Variants in SLC10A1 observed in about 807,000 individuals in gnomAD.
SLC10A1 encodes the protein solute carrier family 10 member 1.
In SLC10A1, 36 loss-of-function variants were observed where a neutral mutation model predicts 20.5. The ratio of observed to expected loss-of-function variants is 1.75; its 90% CI spans 1.34 to 2.32. SLC10A1 has a LOEUF of 2.32. SLC10A1 is among the 30% of genes most tolerant of loss of function. The probability of loss-of-function intolerance (pLI) is 0.00; values close to 1 mark genes in which losing one functional copy is unlikely to be tolerated. For missense variants in SLC10A1, 545 were observed against 439.1 expected (o/e 1.24, Z -2.16); for synonymous variants, 188 against 163.6 (o/e 1.15, Z -1.14).
intron 2 of SLC10A1, among the ~76,000 whole-genome samples, chr14:69,783,058 A>G (rs1566636180): frequency 6.6e-6 from 1 of 152,172 alleles, no homozygotes; most frequent in African/African-American, 2.4e-5. Flanking sequence ...AAGATCGTTT[A>G]TGGGTGTATA....
At chr14:69,789,690 G>T (rs58582364) in intron 1 of SLC10A1, among the ~76,000 whole-genome samples, 11,345 of 152,198 alleles carry the variant, frequency 0.075, 598 homozygotes, top group East Asian at 0.16. Flanking sequence ...TTTATGGTAT[G>T]TGAATTATAT....
chr14:69,782,109 CAT>C (rs1883605760), intron 2 of SLC10A1, among the ~76,000 whole-genome samples: 1 of 152,334 alleles, frequency 6.6e-6, no homozygotes, highest in South Asian at 2.1e-4. Flanking sequence ...GCTTGACCCA[CAT>C]GTTAGTCTCT....
chr14:69,780,271 T>TC (rs1429109985), intron 2 of SLC10A1, among the ~76,000 whole-genome samples: 1 of 152,234 alleles, frequency 6.6e-6, no homozygotes, highest in Non-Finnish European at 1.5e-5. Flanking sequence ...GCATGTGCAC[T>TC]CCATGCACTT....
At chr14:69,779,614 C>T (rs1033593398) in intron 2 of SLC10A1, among the ~76,000 whole-genome samples, 2 of 152,226 alleles carry the variant, frequency 1.3e-5, no homozygotes, top group Admixed American at 6.5e-5. Context: ...GTCCTCCTGC[C>T]TTGGCCTTCC....
intron 1 of SLC10A1, among the ~76,000 whole-genome samples, chr14:69,793,935 G>A (rs1183536666): frequency 6.6e-6 from 1 of 152,190 alleles, no homozygotes; most frequent in African/African-American, 2.4e-5. Context: ...GCCGTCCCTG[G>A]CTGCATTGAG....
intron 1 of SLC10A1, among the ~76,000 whole-genome samples, chr14:69,790,759 A>C (rs1883816540): frequency 6.6e-6 from 1 of 152,098 alleles, no homozygotes; most frequent in Non-Finnish European, 1.5e-5. Context: ...CTGTTTTATA[A>C]ATTATACTAT....
chr14:69,789,853 AGAAAAG>A (rs1483801316), intron 1 of SLC10A1, among the ~76,000 whole-genome samples: 1 of 152,094 alleles, frequency 6.6e-6, no homozygotes, highest in Non-Finnish European at 1.5e-5. Context: ...CCCAATAAAA[AGAAAAG>A]GAAGAAATTT....
chr14:69,782,878 C>G (rs980324373), intron 2 of SLC10A1, among the ~76,000 whole-genome samples: 4 of 151,360 alleles, frequency 2.6e-5, no homozygotes, highest in African/African-American at 9.7e-5. Flanking sequence ...TAAAGCTACT[C>G]TGAGGTAGAA....
At chr14:69,796,573 G>A (rs74061441) in intron 1 of SLC10A1, among the ~76,000 whole-genome samples, 2 of 152,278 alleles carry the variant, frequency 1.3e-5, no homozygotes, top group African/African-American at 4.8e-5. Context: ...CGAGCTTCCT[G>A]GACCAGTATG....
At chr14:69,777,799 C>T (rs1414210213) in intron 4 of SLC10A1, among the ~76,000 whole-genome samples, 1 of 150,818 alleles carries the variant, frequency 6.6e-6, no homozygotes. Flanking sequence ...CAACCGTATG[C>T]TTAAGTTTCC....
chr14:69,792,160 G>A (rs1358782994), intron 1 of SLC10A1, among the ~76,000 whole-genome samples: 1 of 151,770 alleles, frequency 6.6e-6, no homozygotes, highest in Non-Finnish European at 1.5e-5. Flanking sequence ...TTGCCATGTT[G>A]GACAGGCTTG....
At position 69,797,021 on chromosome 14, in the gene SLC10A1, G is replaced by A. The variant is rs139792565; in HGVS notation, c.135C>T (p.Thr45=). The part of the protein sequence containing the change: ...LFFIMLSLGC[T]MEFSKIKAHL... ...GAGCCTTGATCTTGCTGAACTCCAT[G>A]GTGCAGCCCAGCGAGAGCATGATGA... Residue 45 remains threonine (T), a synonymous_variant, in exon 1 of 5, where the codon ACC becomes ACT. Transcript: ENST00000216540. 1.9e-4 allele frequency: 314 copies of A among 1,614,070 alleles called. No individual in the cohort carries two copies. The highest frequency in any genetic ancestry group is 2.5e-4 in the Non-Finnish European group (299 of 1,180,034).
At chr14:69,787,289 C>T (rs1434515865) in intron 1 of SLC10A1, among the ~76,000 whole-genome samples, 1 of 152,178 alleles carries the variant, frequency 6.6e-6, no homozygotes, top group Non-Finnish European at 1.5e-5. Context: ...ATATGTTAGT[C>T]CCAGGACCCT....
chr14:69,779,871 C>G (rs1024334125), intron 2 of SLC10A1, among the ~76,000 whole-genome samples: 1 of 152,186 alleles, frequency 6.6e-6, no homozygotes, highest in South Asian at 2.1e-4. Context: ...CTTATATACA[C>G]ATTCCTACAA....
chr14:69,795,063 T>C (rs1398228030), intron 1 of SLC10A1, among the ~76,000 whole-genome samples: 3 of 152,196 alleles, frequency 2.0e-5, no homozygotes, highest in African/African-American at 7.2e-5. Context: ...CCCTGACTTC[T>C]GCATCCCTCA....
intron 4 of SLC10A1, among the ~76,000 whole-genome samples, chr14:69,777,817 C>CTA (rs1265466504): frequency 6.6e-6 from 1 of 150,582 alleles, no homozygotes; most frequent in Admixed American, 6.6e-5. Context: ...TCCTTTACTG[C>CTA]GTAACTAGAG....
rs61078487 is a variant in SLC10A1 at position 69,789,914 on chromosome 14, GT to G, written c.357-3608del. Among the ~76,000 whole-genome samples, 676 of 142,866 alleles carry G rather than the reference GT, an allele frequency of 4.7e-3. 3 individuals carry two copies. Among genetic ancestry groups the G allele is most frequent in the East Asian group, 0.018 (88 of 4,926 alleles). The allele number at this position is 142,866 out of a possible 152,430, so 93.7% of individuals were successfully genotyped here. A position where few individuals can be genotyped will look rare whatever the true frequency, so the allele number is the denominator to read the frequency against. ...TAGAATCAGTAAAACCAAAAATAGG[GT>G]TTTTTTTTTTTCTTTTTTTTTTTAA... On this transcript the variant is annotated intron_variant, in intron 1 of 4. Transcript: ENST00000216540.
At chr14:69,789,376 CA>C (rs2139719670) in intron 1 of SLC10A1, among the ~76,000 whole-genome samples, 1 of 152,244 alleles carries the variant, frequency 6.6e-6, no homozygotes, top group East Asian at 1.9e-4. Flanking sequence ...TATTCAATTA[CA>C]AAAACAAATG....
At chr14:69,790,989 T>C (rs932564032) in intron 1 of SLC10A1, among the ~76,000 whole-genome samples, 5 of 151,978 alleles carry the variant, frequency 3.3e-5, no homozygotes, top group Non-Finnish European at 5.9e-5. Flanking sequence ...GAAACAAATA[T>C]ATATATATTT....
Sources: gnomAD v4.1 joint callset for allele counts (sites outside exome capture counted in the v4.1 genomes callset) on GRCh38, gnomAD v4.1.1 for gene constraint, MANE v1.5 for transcripts, NCBI Gene and HGNC (gene_info 2026-07-23, HGNC 2026-07-21) for gene names.